FRK: variants seen among roughly 807,000 people sequenced by gnomAD.
FRK encodes the protein fyn related Src family tyrosine kinase.
Under a neutral mutation model 56.4 loss-of-function variants are expected in FRK, and 51 were observed. The observed-to-expected ratio is 0.90, with a 90% CI of 0.72 to 1.14. FRK has a LOEUF of 1.14. Ranked by LOEUF, FRK falls within the 50% of genes most tolerant of loss-of-function variation. The pLI is 0.00. For synonymous variants in FRK, 245 were observed against 217.9 expected (o/e 1.12, Z -1.10); for missense variants, 570 against 601.4 (o/e 0.95, Z 0.55).
rs190647492 is a variant in FRK, at chr6:116,052,772, G to A, written c.344+7196C>T. 9.9e-5 allele frequency among the ~76,000 whole-genome samples: 15 copies of A among 152,192 alleles called. No individual in the cohort carries two copies. The East Asian group carries it at 2.5e-3, about 25-fold the overall frequency. ...GCTGCAGGTGAGGGAGAGTGCAGAC[G>A]GTCGAAGACTGAAAGACACTCAATG... On this transcript the variant is annotated intron_variant, in intron 1 of 7. Coordinates refer to ENST00000606080, the MANE Select transcript of FRK (RefSeq NM_002031.3).
intron 1 of FRK, among the ~76,000 whole-genome samples, chr6:116,049,637 G>C (rs987095295): frequency 1.3e-5 from 2 of 152,140 alleles, no homozygotes; most frequent in Non-Finnish European, 2.9e-5. Flanking sequence ...TTGTGTGGAC[G>C]TAAGCAGTTT....
intron 1 of FRK, among the ~76,000 whole-genome samples, chr6:116,050,961 G>A (rs1322738335): frequency 1.3e-5 from 2 of 152,090 alleles, no homozygotes; most frequent in Non-Finnish European, 1.5e-5. Context: ...TGGTGTCTTC[G>A]TATGTCAGAA....
intron 4 of FRK, among the ~76,000 whole-genome samples, chr6:115,958,511 C>T (rs371226198): frequency 2.5e-4 from 38 of 151,606 alleles, no homozygotes; most frequent in African/African-American, 8.7e-4. Context: ...GCCTGTAATC[C>T]CAGCTACTCG....
chr6:116,011,995 G>T (rs946404918), intron 1 of FRK, among the ~76,000 whole-genome samples: 1 of 151,936 alleles, frequency 6.6e-6, no homozygotes. Flanking sequence ...AAAAAATAAT[G>T]CTCGCAATTA....
At chr6:116,007,653 G>A (rs974806847) in intron 1 of FRK, among the ~76,000 whole-genome samples, 4 of 152,094 alleles carry the variant, frequency 2.6e-5, no homozygotes, top group South Asian at 2.1e-4. Flanking sequence ...ATACCAAAGC[G>A]GTTTTTGTCC....
chr6:116,039,043 G>GA, intron 1 of FRK: 1 of 755,012 alleles, frequency 1.3e-6, no homozygotes, highest in African/African-American at 1.7e-5. Context: ...GGCACTCAGA[G>GA]AGTAGGCATG....
chr6:115,986,625 T>C (rs1774407128), intron 2 of FRK, among the ~76,000 whole-genome samples: 3 of 152,280 alleles, frequency 2.0e-5, no homozygotes, highest in South Asian at 4.1e-4. Context: ...AGAGGTGATC[T>C]CTTCAGTTCA....
At chr6:115,945,499 C>A (rs537577242) in intron 5 of FRK, among the ~76,000 whole-genome samples, 1 of 152,136 alleles carries the variant, frequency 6.6e-6, no homozygotes, top group South Asian at 2.1e-4. Flanking sequence ...ATTTCAATAC[C>A]ACATGTCACT....
At chr6:116,091,942 C>T in the FRK span, among the ~76,000 whole-genome samples, 1 of 152,152 alleles carries the variant, frequency 6.6e-6, no homozygotes, top group African/African-American at 2.4e-5. Flanking sequence ...GTCACCCAAG[C>T]GAAACTTGCC....
At chr6:116,079,704 C>T in the FRK span, among the ~76,000 whole-genome samples, 1 of 152,120 alleles carries the variant, frequency 6.6e-6, no homozygotes, top group Non-Finnish European at 1.5e-5. Context: ...GACCCTCCCA[C>T]TGTGTGCCCT....
chr6:116,074,435 G>A, the FRK span, among the ~76,000 whole-genome samples: 4 of 152,100 alleles, frequency 2.6e-5, no homozygotes, highest in South Asian at 8.3e-4. Flanking sequence ...TTCATTTTAT[G>A]TAACTGATGA....
rs1293442312 is a variant in FRK at position 115,931,601 on chromosome 6, T to C, written c.*10813A>G. On this transcript the variant is annotated 3_prime_UTR_variant, in exon 8 of 8. Transcript: ENST00000606080. ...TACAAATCTGGCTAATTGATTTTAT[T>C]TCTTATTTTTTGAATCAATAATTAA... is the stretch of plus-strand genomic sequence containing the variant. 6.6e-6 allele frequency: 1 copy of C among 152,200 alleles called. No homozygotes were observed. The highest frequency in any genetic ancestry group is 1.5e-5 in the Non-Finnish European group (1 of 68,020). The allele number at this position is 152,200 out of a possible 1,614,324, so 9.4% of individuals were successfully genotyped here.
At chr6:115,954,479 T>C (rs1326935303) in intron 5 of FRK, among the ~76,000 whole-genome samples, 1 of 152,112 alleles carries the variant, frequency 6.6e-6, no homozygotes, top group Non-Finnish European at 1.5e-5. Flanking sequence ...ATCCTCTATA[T>C]ATTTTGAAGG....
chr6:116,024,642 C>G (rs1776018351), intron 1 of FRK, among the ~76,000 whole-genome samples: 1 of 152,084 alleles, frequency 6.6e-6, no homozygotes, highest in Admixed American at 6.6e-5. Flanking sequence ...ATATGTGCCA[C>G]ATTTTCTTAA....
intron 1 of FRK, among the ~76,000 whole-genome samples, chr6:116,011,846 C>A (rs546943596): frequency 6.6e-6 from 1 of 152,266 alleles, no homozygotes; most frequent in Admixed American, 6.5e-5. Context: ...TGAAGAAAAT[C>A]TCTGTGAGAG....
chr6:116,029,557 T>C (rs2114757983), intron 1 of FRK, among the ~76,000 whole-genome samples: 1 of 152,284 alleles, frequency 6.6e-6, no homozygotes, highest in African/African-American at 2.4e-5. Context: ...CTCTTTGCTC[T>C]TCAGAATAAA....
intron 6 of FRK, among the ~76,000 whole-genome samples, chr6:115,944,035 G>A (rs968768926): frequency 1.4e-4 from 21 of 152,088 alleles, no homozygotes; most frequent in African/African-American, 5.1e-4. Flanking sequence ...TTCCAATCTG[G>A]TTGGTCATTG....
chr6:116,066,231 T>G, the FRK span, among the ~76,000 whole-genome samples: 1 of 152,076 alleles, frequency 6.6e-6, no homozygotes, highest in Admixed American at 6.6e-5. Context: ...CAGAAAAACA[T>G]GAAAAAGCGA....
chr6:116,009,739 T>G (rs1775392937), intron 1 of FRK, among the ~76,000 whole-genome samples: 1 of 152,238 alleles, frequency 6.6e-6, no homozygotes, highest in African/African-American at 2.4e-5. Context: ...AAATAGTATG[T>G]AATTTAAGTC....
Sources: allele counts gnomAD v4.1 joint callset (sites outside exome capture counted in the v4.1 genomes callset), GRCh38; gene constraint gnomAD v4.1.1; transcripts MANE v1.5; gene names NCBI Gene and HGNC (gene_info 2026-07-23, HGNC 2026-07-21).